Variants in LONP1 observed in about 807,000 individuals in gnomAD.
LONP1 encodes the protein lon protease homolog, mitochondrial.
Under a neutral mutation model 98.5 loss-of-function variants are expected in LONP1, and 31 were observed. The observed-to-expected ratio is 0.31, with a 90% confidence interval of 0.24 to 0.42. The LOEUF is 0.42. Ranked by LOEUF, LONP1 falls within the 20% of genes least tolerant of loss-of-function variation. The pLI is 1.00. For synonymous variants in LONP1, 781 were observed against 594.7 expected (o/e 1.31, Z -4.56); for missense variants, 1,336 against 1,350.6 (o/e 0.99, Z 0.17).
At chr19:5,710,160 C>T (rs370438630) in intron 4 of LONP1, among the ~76,000 whole-genome samples, 3 of 150,440 alleles carry the variant, frequency 2.0e-5, no homozygotes, top group African/African-American at 4.9e-5. Context: ...CTCGGCTCAC[C>T]GCAACCTCTG....
chr19:5,706,380 G>A (rs557737030), intron 7 of LONP1, among the ~76,000 whole-genome samples: 7 of 152,174 alleles, frequency 4.6e-5, no homozygotes, highest in Non-Finnish European at 1.0e-4. Flanking sequence ...AGGCTGAAGC[G>A]GGCGGATCAC....
intron 1 of LONP1, among the ~76,000 whole-genome samples, chr19:5,716,259 C>CATACAT (rs1555714148): frequency 1.2e-4 from 9 of 77,218 alleles, no homozygotes; most frequent in Admixed American, 1.5e-4. Context: ...TTAAAATATA[C>CATACAT]ATATATATAT....
Position 5,719,731 on chromosome 19 carries a change from C to G in LONP1, c.402G>C (p.Val134=), listed in dbSNP as rs1193004985. The G allele has an allele frequency of 4.3e-6, 7 of 1,613,770 alleles. No individual in the cohort carries two copies. Among genetic ancestry groups the G allele is most frequent in the Non-Finnish European group, 8.5e-7 (1 of 1,180,048 alleles). ...LPLIAITRNP[V]FPRFIKIIEV... ...CGATAATCTTGATAAAGCGCGGGAA[C>G]ACCGGGTTGCGGGTGATGGCGATGA... Residue 134 remains valine (V), a synonymous_variant, in exon 1 of 18, where the codon GTG becomes GTC. Coordinates refer to ENST00000360614, the MANE Select transcript of LONP1 (RefSeq NM_004793.4).
chr19:5,703,105 C>T (rs1195244367), intron 8 of LONP1, among the ~76,000 whole-genome samples: 7 of 149,854 alleles, frequency 4.7e-5, no homozygotes, highest in South Asian at 2.1e-4. Flanking sequence ...GGCATGAACC[C>T]GAGAGGCGGA....
At chr19:5,693,907 C>T (rs1244661959) in intron 15 of LONP1, 138 bp from the exon 16 acceptor site, 19 of 719,878 alleles carry the variant, frequency 2.6e-5, no homozygotes, top group East Asian at 2.4e-4. Flanking sequence ...GGTGTCCCAT[C>T]GTGAGCCAAC....
At chr19:5,698,932 T>TTGC in intron 10 of LONP1, 95 bp downstream of exon 10, 1 of 1,307,028 alleles carries the variant, frequency 7.7e-7, no homozygotes, top group Non-Finnish European at 1.0e-6. Context: ...ACAACCCGGA[T>TTGC]TGCTCTACCA....
At position 5,691,881 on chromosome 19, in the gene LONP1, A is replaced by G; in HGVS notation, c.*151T>C. On this transcript the variant is annotated 3_prime_UTR_variant, in exon 18 of 18. Coordinates refer to ENST00000360614, the MANE Select transcript of LONP1 (RefSeq NM_004793.4). Reference sequence around the variant, plus strand: ...TAAATAGCTTCTATGCCACACTCTGATTAAGCCGACTGAGGTCCCTGGGAT... The same window carrying G: ...TAAATAGCTTCTATGCCACACTCTGGTTAAGCCGACTGAGGTCCCTGGGAT... 3 of 898,882 alleles carry G rather than the reference A, an allele frequency of 3.3e-6. No homozygotes were observed. In the South Asian group the frequency reaches 5.1e-5, roughly 15 times the overall value. 55.7% of individuals were successfully genotyped at this position (898,882 alleles called of 1,614,324 possible). A position where few individuals can be genotyped will look rare whatever the true frequency, so the allele number is the denominator to read the frequency against.
At chr19:5,692,381 CAAGGCAAAA>C in intron 17 of LONP1, 173 bp from the exon 18 acceptor site, 1 of 577,298 alleles carries the variant, frequency 1.7e-6, no homozygotes, top group Non-Finnish European at 2.9e-6. Context: ...GAAACAGGCT[CAAGGCAAAA>C]CCACTGGCCT....
At chr19:5,701,112 A>C (rs1319450284) in intron 8 of LONP1, among the ~76,000 whole-genome samples, 185 bp from the exon 9 acceptor site, 1 of 151,946 alleles carries the variant, frequency 6.6e-6, no homozygotes, top group Non-Finnish European at 1.5e-5. Flanking sequence ...CCAGGAGTTC[A>C]AGACCAGCCT....
chr19:5,703,676 T>C (rs2055097179), intron 8 of LONP1, among the ~76,000 whole-genome samples: 1 of 142,516 alleles, frequency 7.0e-6, no homozygotes, highest in Admixed American at 7.1e-5. Flanking sequence ...GATGCTGGAG[T>C]TTAGAGACAC....
intron 10 of LONP1, among the ~76,000 whole-genome samples, chr19:5,698,444 G>T (rs142690441): frequency 1.3e-5 from 2 of 152,214 alleles, no homozygotes; most frequent in African/African-American, 4.8e-5. Context: ...CAGAAAAGCC[G>T]CGCCCGGCTG....
chr19:5,714,649 C>T (rs562790878), intron 1 of LONP1, among the ~76,000 whole-genome samples: 5 of 143,188 alleles, frequency 3.5e-5, no homozygotes, highest in East Asian at 4.1e-4. Flanking sequence ...GACGGAGTCT[C>T]GCTCTGTCAC....
intron 7 of LONP1, 106 bp from the exon 8 acceptor site, chr19:5,706,098 A>G: frequency 1.4e-6 from 1 of 728,746 alleles, no homozygotes; most frequent in South Asian, 1.7e-5. Context: ...CTCAGAGAGA[A>G]AAGAAACGAA....
rs982078662 is a variant in LONP1 at position 5,692,215 on chromosome 19, G to A, written c.2704-7C>T. The A allele has an allele frequency of 8.1e-6, 13 of 1,608,018 alleles. No individual in the cohort carries two copies. The highest frequency in any genetic ancestry group is 1.3e-5 in the African/African-American group (1 of 74,974). Reference sequence around the variant, plus strand: ...TCACCCCTGCGCGCTTGGCCTGGGGGCAGAGTCAGGGTCAGCCCTGCCTGG... The same window carrying A: ...TCACCCCTGCGCGCTTGGCCTGGGGACAGAGTCAGGGTCAGCCCTGCCTGG... On this transcript the variant is annotated splice_polypyrimidine_tract_variant and splice_region_variant and intron_variant, in intron 17 of 17. Coordinates refer to ENST00000360614, the MANE Select transcript of LONP1 (RefSeq NM_004793.4).
intron 15 of LONP1, 96 bp from the exon 16 acceptor site, chr19:5,693,865 G>T: frequency 9.7e-7 from 1 of 1,026,988 alleles, no homozygotes; most frequent in Non-Finnish European, 1.4e-6. Flanking sequence ...TCCTGCCCCA[G>T]TTTAGCATCT....
chr19:5,713,171 C>G lies in LONP1; in HGVS notation c.601G>C (p.Gly201Arg). 1 of 1,614,180 alleles carries G rather than the reference C, an allele frequency of 6.2e-7. No homozygotes were observed. Among genetic ancestry groups the G allele is most frequent in the Non-Finnish European group, 8.5e-7 (1 of 1,180,022 alleles). Residue 201 changes from glycine to arginine, a missense_variant, in exon 3 of 18, where the codon GGG (glycine) becomes CGG (arginine). This residue lies in a region of LONP1 where 457 missense variants were observed against 403.1 expected (regional missense o/e 1.13). Transcript: ENST00000360614. ...ATGACGATCATGCGCAGCTTGTCCC[C>G]AAGGTCCTGCATCTCATGGATCTGG... is the stretch of plus-strand genomic sequence containing the variant. The part of the protein sequence containing the change: ...FAQIHEMQDL[G>R]DKLRMIVMGH...
chr19:5,712,017 A>T lies in LONP1; in HGVS notation c.639-15T>A. Reference sequence around the variant, plus strand: ...TGATATGGACTCTGACACGGGAGCAAGGCAGGTGTGAATCAGCCGCTGAGG... The same window carrying T: ...TGATATGGACTCTGACACGGGAGCATGGCAGGTGTGAATCAGCCGCTGAGG... On this transcript the variant is annotated splice_polypyrimidine_tract_variant and intron_variant, in intron 3 of 17. Coordinates refer to ENST00000360614, the MANE Select transcript of LONP1 (RefSeq NM_004793.4). 6.2e-7 allele frequency: 1 copy of T among 1,603,266 alleles called. No individual in the cohort carries two copies.
In LONP1 at chr19:5,719,934, C is replaced by G. The variant is rs746405694; in HGVS notation, c.199G>C (p.Gly67Arg). ...CCGCGGCTGCTCGCTTCCCAAAACC[C>G]CCGCCATTGGCCCCCAATTGCCGGG... ...RGPAIGGQWR[G>R]FWEASSRGGG... is the part of the protein sequence containing the mutation. Residue 67 changes from glycine (G) to arginine (R), a missense_variant, in exon 1 of 18, where the codon GGG becomes CGG. Physicochemically the swap from Gly to Arg is moderately radical, Grantham distance 125 (BLOSUM62 -2). This residue lies in a region of LONP1 where 457 missense variants were observed against 403.1 expected (regional missense o/e 1.13). Coordinates refer to ENST00000360614, the MANE Select transcript of LONP1 (RefSeq NM_004793.4). 1.3e-6 allele frequency: 2 copies of G among 1,558,598 alleles called. No homozygotes were observed. Among genetic ancestry groups the G allele is most frequent in the Admixed American group, 1.9e-5 (1 of 51,324 alleles).
intron 9 of LONP1, among the ~76,000 whole-genome samples, chr19:5,699,610 T>G (rs1017484078): frequency 2.1e-5 from 3 of 141,242 alleles, no homozygotes; most frequent in Non-Finnish European, 1.5e-5. Context: ...CAGGCTAGAG[T>G]GTACTGGTGC....
Sources: gnomAD v4.1 joint callset for allele counts (sites outside exome capture counted in the v4.1 genomes callset) on GRCh38, gnomAD v4.1.1 for gene constraint, gnomAD v4.1.1 regional missense constraint, MANE v1.5 for transcripts, NCBI Gene and HGNC (gene_info 2026-07-23, HGNC 2026-07-21) for gene names.